The following FER variants were observed in gnomAD, a reference collection of about 807,000 sequenced individuals.
FER encodes the protein tyrosine-protein kinase Fer.
Under a neutral mutation model 111.0 loss-of-function variants are expected in FER, and 63 were observed. The observed-to-expected ratio is 0.57, with a 90% CI of 0.46 to 0.70. The LOEUF (loss-of-function observed/expected upper bound fraction) is 0.70, where lower values mean the gene tolerates loss of function less well. Among genes scored for constraint, FER ranks in the 30% least tolerant of loss-of-function variants. FER has a pLI of 0.00. For missense variants in FER, 914 were observed against 954.0 expected (o/e 0.96, Z 0.55); for synonymous variants, 327 against 313.9 (o/e 1.04, Z -0.44).
At chr5:108,955,495 C>T (rs1758317491) in intron 12 of FER, among the ~76,000 whole-genome samples, 1 of 151,666 alleles carries the variant, frequency 6.6e-6, no homozygotes, top group Non-Finnish European at 1.5e-5. Context: ...TATTCTAATG[C>T]TAATTTATTT....
chr5:108,956,319 A>G (rs1434856954), intron 12 of FER, among the ~76,000 whole-genome samples: 2 of 151,714 alleles, frequency 1.3e-5, no homozygotes, highest in East Asian at 3.9e-4. Context: ...GTAAAGTATA[A>G]ACTCGTTAAC....
At position 108,989,039 on chromosome 5, in the gene FER, G is replaced by A. The variant is rs749196397; in HGVS notation, c.1656+29692G>A. Among the ~76,000 whole-genome samples the A allele has an allele frequency of 2.6e-5, 4 of 151,978 alleles. No homozygotes were observed. In the South Asian group the frequency reaches 6.2e-4, roughly 24 times the overall value. ...TTTCCATCTTGATTTCATTTGCAAC[G>A]GTCATTCACGAGCAGGTTATTTAAT... On this transcript the variant is annotated intron_variant, in intron 13 of 19. Coordinates refer to ENST00000281092, the MANE Select transcript of FER (RefSeq NM_005246.4).
At chr5:109,075,146 G>A (rs955111195) in intron 16 of FER, among the ~76,000 whole-genome samples, 2 of 151,992 alleles carry the variant, frequency 1.3e-5, no homozygotes, top group African/African-American at 2.4e-5. Flanking sequence ...CTCATCTCTT[G>A]TTTACGCTGC....
intron 3 of FER, among the ~76,000 whole-genome samples, chr5:108,826,574 C>G (rs1328328238): frequency 6.6e-6 from 1 of 152,126 alleles, no homozygotes; most frequent in Non-Finnish European, 1.5e-5. Flanking sequence ...CTTATAGTGT[C>G]TTTGTCTGGC....
At chr5:108,750,621 T>C (rs1487772058) in intron 1 of FER, among the ~76,000 whole-genome samples, 1 of 152,240 alleles carries the variant, frequency 6.6e-6, no homozygotes, top group Non-Finnish European at 1.5e-5. Flanking sequence ...TCTGCACTGC[T>C]TCAAAGGTTG....
chr5:109,041,697 C>T (rs907721368), intron 14 of FER, among the ~76,000 whole-genome samples: 3 of 152,090 alleles, frequency 2.0e-5, no homozygotes, highest in Admixed American at 1.3e-4. Context: ...ACTGGGTAGA[C>T]TGACAGTTAC....
At chr5:109,140,286 C>T (rs1753386022) in intron 17 of FER, among the ~76,000 whole-genome samples, 1 of 152,048 alleles carries the variant, frequency 6.6e-6, no homozygotes, top group Non-Finnish European at 1.5e-5. Flanking sequence ...AATAAAGAAA[C>T]AGTACAAAAC....
chr5:108,977,605 C>G lies in FER; in HGVS notation c.1656+18258C>G, dbSNP rs549156697. ...TGTTGATTTACTTCTATGTTCCCCA[C>G]TGCCCCTACTTTTCAGTTTTGGTCT... On this transcript the variant is annotated intron_variant, in intron 13 of 19. Transcript: ENST00000281092. Among the ~76,000 whole-genome samples the G allele has an allele frequency of 6.6e-5, 10 of 152,320 alleles. No homozygotes were observed. The South Asian group carries it at 1.0e-3, about 16-fold the overall frequency.
chr5:108,785,443 G>T, intron 2 of FER: 1 of 580,556 alleles, frequency 1.7e-6, no homozygotes, highest in Admixed American at 1.9e-5. Flanking sequence ...CTGGCAGCAA[G>T]GCAGAACCAC....
At chr5:109,017,321 ATAGT>A (rs1215996774) in intron 13 of FER, among the ~76,000 whole-genome samples, 2 of 152,122 alleles carry the variant, frequency 1.3e-5, no homozygotes, top group East Asian at 1.9e-4. Flanking sequence ...AAAAGACAAG[ATAGT>A]TATTATAGAA....
At chr5:109,001,234 A>G (rs545363239) in intron 13 of FER, among the ~76,000 whole-genome samples, 7 of 152,350 alleles carry the variant, frequency 4.6e-5, no homozygotes, top group East Asian at 3.9e-4. Context: ...AAAATTCTCA[A>G]TACAATACTG....
rs191657393 is a variant in FER at position 109,083,051 on chromosome 5, A to C, written c.1925-17345A>C. On this transcript the variant is annotated intron_variant, in intron 16 of 19. Coordinates refer to ENST00000281092, the MANE Select transcript of FER (RefSeq NM_005246.4). ...AAGTGAAAAGATAGGTGTTAAATCT[A>C]TATTTGAAGATTTCCTTTAGTGTTC... is the stretch of plus-strand genomic sequence containing the variant. Among the ~76,000 whole-genome samples the C allele has an allele frequency of 8.4e-4, 128 of 152,156 alleles. 1 individual carries two copies. The highest frequency in any genetic ancestry group is 1.4e-3 in the Non-Finnish European group (94 of 67,964).
intron 9 of FER, chr5:108,894,358 G>T (rs2150318362): frequency 7.1e-6 from 7 of 991,742 alleles, no homozygotes; most frequent in Non-Finnish European, 6.6e-6. Flanking sequence ...TGTTTCTGCT[G>T]CAAGGGTTCC....
At chr5:108,964,339 A>G (rs1326138990) in intron 13 of FER, among the ~76,000 whole-genome samples, 1 of 152,176 alleles carries the variant, frequency 6.6e-6, no homozygotes, top group Non-Finnish European at 1.5e-5. Context: ...TTGGACAGAG[A>G]CGTAAATGGA....
chr5:109,179,543 C>T (rs1229714229), intron 17 of FER, among the ~76,000 whole-genome samples: 1 of 152,136 alleles, frequency 6.6e-6, no homozygotes, highest in Non-Finnish European at 1.5e-5. Context: ...GGACAAGCTC[C>T]ACTTGGTTAT....
In FER at chr5:109,052,532, T is replaced by TA; in HGVS notation, c.1924+5338dup. The TA allele has an allele frequency of 3.4e-5, 24 of 713,914 alleles. 1 individual carries two copies. In the South Asian group the frequency reaches 4.0e-4, roughly 12 times the overall value. The allele number at this position is 713,914 out of a possible 1,614,324, so 44.2% of individuals were successfully genotyped here. A position where few individuals can be genotyped will look rare whatever the true frequency, so the allele number is the denominator to read the frequency against. On this transcript the variant is annotated intron_variant, in intron 16 of 19. Transcript: ENST00000281092. ...TGATTGAACTCCTTGGAGGATGAAG[T>TA]AAAATGAAAAGGCAAATTCAGGCAC...
In FER at chr5:109,187,477, A is replaced by AAAATCATGATGAAGTGTTGG; in HGVS notation, c.2372_2391dup (p.Asp798LysfsTer3). 6.2e-7 allele frequency: 1 copy of AAAATCATGATGAAGTGTTGG among 1,614,156 alleles called. No individual in the cohort carries two copies. The highest frequency in any genetic ancestry group is 8.5e-7 in the Non-Finnish European group (1 of 1,179,998). Reference sequence around the variant, plus strand: ...CCAGCACTGTCCAGAGGATATTTCCAAAATCATGATGAAGTGTTGGGATTA... The same window carrying AAAATCATGATGAAGTGTTGG: ...CCAGCACTGTCCAGAGGATATTTCCAAAATCATGATGAAGTGTTGGAAATCATGATGAAGTGTTGGGATTA... On this transcript the variant is annotated frameshift_variant, in exon 20 of 20. Coordinates refer to ENST00000281092, the MANE Select transcript of FER (RefSeq NM_005246.4). LOFTEE classifies it high-confidence loss of function.
At chr5:108,809,501 A>G (rs1757531120) in intron 3 of FER, among the ~76,000 whole-genome samples, 1 of 152,118 alleles carries the variant, frequency 6.6e-6, no homozygotes, top group South Asian at 2.1e-4. Context: ...ATTGAATTTC[A>G]TCCTTGTCTT....
chr5:108,803,155 A>G (rs566525880), intron 3 of FER, among the ~76,000 whole-genome samples: 2 of 152,106 alleles, frequency 1.3e-5, no homozygotes, highest in East Asian at 3.9e-4. Context: ...TTTGAGAAGT[A>G]TCTATTAATG....
Sources: gnomAD v4.1 joint callset for allele counts (sites outside exome capture counted in the v4.1 genomes callset) on GRCh38, gnomAD v4.1.1 for gene constraint, MANE v1.5 for transcripts, NCBI Gene and HGNC (gene_info 2026-07-23, HGNC 2026-07-21) for gene names.